MAP3K3: variants seen among roughly 807,000 people sequenced by gnomAD.
MAP3K3 encodes mitogen-activated protein kinase kinase kinase 3.
MAP3K3 carries 12 observed loss-of-function variants against 80.9 expected under a neutral mutation model. That is an observed-to-expected ratio of 0.15 (90% CI 0.10 to 0.24). The LOEUF (loss-of-function observed/expected upper bound fraction) is 0.24. Ranked by LOEUF, MAP3K3 falls within the 10% of genes least tolerant of loss-of-function variation. The pLI, the probability that MAP3K3 is intolerant of heterozygous loss-of-function variation, is 1.00. For missense variants in MAP3K3, 596 were observed against 834.7 expected (o/e 0.71, Z 3.52); for synonymous variants, 272 against 307.1 (o/e 0.89, Z 1.19).
At chr17:63,686,462 G>A (rs1005703826) in intron 8 of MAP3K3, among the ~76,000 whole-genome samples, 2 of 152,186 alleles carry the variant, frequency 1.3e-5, no homozygotes, top group African/African-American at 4.8e-5. Flanking sequence ...GAAGGCACAG[G>A]CAAGAGTGCC....
chr17:63,673,334 A>C (rs955844814), intron 6 of MAP3K3, among the ~76,000 whole-genome samples: 6 of 152,264 alleles, frequency 3.9e-5, no homozygotes, highest in African/African-American at 1.4e-4. Flanking sequence ...TAATATGCAT[A>C]CCTTGAATTC....
At chr17:63,665,190 G>T (rs1332927826) in intron 5 of MAP3K3, among the ~76,000 whole-genome samples, 2 of 152,030 alleles carry the variant, frequency 1.3e-5, no homozygotes, top group Non-Finnish European at 2.9e-5. Context: ...TGTAATCCCA[G>T]CTACTCGGGA....
intron 6 of MAP3K3, among the ~76,000 whole-genome samples, chr17:63,677,740 A>G (rs548827601): frequency 8.5e-5 from 13 of 152,282 alleles, no homozygotes; most frequent in African/African-American, 3.1e-4. Context: ...TGTGGCTCAC[A>G]CCTGTAATCC....
chr17:63,638,490 G>A (rs922614002), intron 2 of MAP3K3, among the ~76,000 whole-genome samples: 3 of 152,188 alleles, frequency 2.0e-5, no homozygotes, highest in African/African-American at 7.2e-5. Context: ...CAGACTTTGA[G>A]AAGGTCATTT....
chr17:63,681,495 A>C (rs975876906), intron 6 of MAP3K3, among the ~76,000 whole-genome samples: 5 of 152,198 alleles, frequency 3.3e-5, no homozygotes, highest in Non-Finnish European at 7.3e-5. Flanking sequence ...TGCCAGCTAA[A>C]ATGGTCTCCT....
At chr17:63,633,324 A>G (rs1447282500) in intron 2 of MAP3K3, among the ~76,000 whole-genome samples, 2 of 152,118 alleles carry the variant, frequency 1.3e-5, no homozygotes, top group Non-Finnish European at 2.9e-5. Flanking sequence ...TTATGGGGAC[A>G]GTATTCATAT....
intron 2 of MAP3K3, among the ~76,000 whole-genome samples, chr17:63,643,075 A>G (rs375361455): frequency 7.3e-5 from 5 of 68,324 alleles, no homozygotes; most frequent in African/African-American, 1.1e-4. Context: ...TCTAAAAATG[A>G]AAAAAAAAAA....
rs974508123 is a variant in MAP3K3, at chr17:63,694,706, G to T, written c.*929G>T. ...CGACACGGTCGGGGCATCTGGCCTG[G>T]CCAGTGCCCTGATCCCAGAGAGCCC... On this transcript the variant is annotated 3_prime_UTR_variant, in exon 16 of 16. Coordinates refer to ENST00000361733, the MANE Select transcript of MAP3K3 (RefSeq NM_002401.5). 1 of 152,610 alleles carries T rather than the reference G, an allele frequency of 6.6e-6. No homozygotes were observed. Among genetic ancestry groups the T allele is most frequent in the African/African-American group, 2.4e-5 (1 of 41,444 alleles). 9.5% of individuals were successfully genotyped at this position (152,610 alleles called of 1,614,324 possible).
chr17:63,644,297 C>T (rs2034500422), intron 2 of MAP3K3, among the ~76,000 whole-genome samples: 1 of 152,146 alleles, frequency 6.6e-6, no homozygotes, highest in African/African-American at 2.4e-5. Context: ...TCACTGCAAC[C>T]TCTGCCTCCT....
In MAP3K3 at chr17:63,692,306, C is replaced by T. The variant is rs779389261; in HGVS notation, c.1539C>T (p.Arg513=). ...TGGGGGACTTTGGGGCCAGCAAACG[C>T]CTGCAGACGATCTGTATGTCGGGGA... ...VKLGDFGASK[R]LQTICMSGTG... is the part of the protein sequence containing the mutation. Residue 513 remains arginine, a synonymous_variant, in exon 15 of 16, where the codon CGC becomes CGT. Coordinates refer to ENST00000361733, the MANE Select transcript of MAP3K3 (RefSeq NM_002401.5). The surrounding 1 kb of genome is among the most constrained non-coding windows in gnomAD (Gnocchi z 4.5). 6.2e-7 allele frequency: 1 copy of T among 1,613,992 alleles called. No individual in the cohort carries two copies.
intron 4 of MAP3K3, among the ~76,000 whole-genome samples, chr17:63,655,288 C>A (rs369305057): frequency 6.6e-6 from 1 of 152,030 alleles, no homozygotes; most frequent in Non-Finnish European, 1.5e-5. Context: ...TAACCACCCC[C>A]GTGATTCAGT....
intron 3 of MAP3K3, among the ~76,000 whole-genome samples, chr17:63,650,636 C>T (rs1415686252): frequency 6.8e-6 from 1 of 147,556 alleles, no homozygotes; most frequent in African/African-American, 2.6e-5. Flanking sequence ...GTTAGGAAGA[C>T]CTTCTCTCTC....
intron 6 of MAP3K3, among the ~76,000 whole-genome samples, chr17:63,669,270 G>GA (rs1180982963): frequency 6.6e-6 from 1 of 152,170 alleles, no homozygotes; most frequent in African/African-American, 2.4e-5. Flanking sequence ...AGGGCTTTTA[G>GA]ACTATGTCTG....
At chr17:63,687,777 C>T (rs1483377627) in intron 8 of MAP3K3, among the ~76,000 whole-genome samples, 2 of 146,868 alleles carry the variant, frequency 1.4e-5, no homozygotes, top group Admixed American at 1.4e-4. Context: ...ATCACAAGGT[C>T]AAGAGATCGA....
At chr17:63,690,925 C>A in intron 12 of MAP3K3, 177 bp from the exon 13 acceptor site, 5 of 722,014 alleles carry the variant, frequency 6.9e-6, no homozygotes, top group Non-Finnish European at 1.1e-5. Context: ...GCCACCATCC[C>A]AAGGCCTGCC....
chr17:63,650,802 C>A (rs980390366), intron 3 of MAP3K3, among the ~76,000 whole-genome samples: 1 of 151,636 alleles, frequency 6.6e-6, no homozygotes, highest in Non-Finnish European at 1.5e-5. Context: ...AGTGATCCTC[C>A]CACCTCAGCC....
Position 63,691,595 on chromosome 17 carries a change from C to G in MAP3K3, c.1345-138C>G. The G allele has an allele frequency of 7.9e-7, 1 of 1,268,064 alleles. No individual in the cohort carries two copies. The highest frequency in any genetic ancestry group is 1.1e-6 in the Non-Finnish European group (1 of 915,190). The allele number at this position is 1,268,064 out of a possible 1,614,324, so 78.6% of individuals were successfully genotyped here. A position where few individuals can be genotyped will look rare whatever the true frequency, so the allele number is the denominator to read the frequency against. On this transcript the variant is annotated intron_variant, in intron 13 of 15. Transcript: ENST00000361733. This position sits in a 1 kb window ranked among gnomAD's most constrained non-coding sequence, Gnocchi z 4.8. ...CTCTCTTTTCCAAACTGCCTGACAGCTCCTGGCAAAATGCCCTGCCCAGCC... is the reference window on the plus strand; with the variant it reads ...CTCTCTTTTCCAAACTGCCTGACAGGTCCTGGCAAAATGCCCTGCCCAGCC...
chr17:63,685,675 C>T, intron 8 of MAP3K3, 85 bp downstream of exon 8: 1 of 1,088,354 alleles, frequency 9.2e-7, no homozygotes. Context: ...GCTCTGGAGG[C>T]CCAGGGTTAA....
chr17:63,682,385 T>C (rs1354098751), intron 7 of MAP3K3: 1 of 152,320 alleles, frequency 6.6e-6, no homozygotes, highest in Non-Finnish European at 1.5e-5. Flanking sequence ...TAGTTATCTA[T>C]TGCTCCATAA....
Sources: gnomAD v4.1 joint callset for allele counts (sites outside exome capture counted in the v4.1 genomes callset) on GRCh38, gnomAD v4.1.1 for gene constraint, Gnocchi (gnomAD v3.1) non-coding constraint, MANE v1.5 for transcripts, NCBI Gene and HGNC (gene_info 2026-07-23, HGNC 2026-07-21) for gene names.